The following ZDHHC21 variants were observed in gnomAD, a reference collection of about 807,000 sequenced individuals.
ZDHHC21 encodes palmitoyltransferase ZDHHC21.
A neutral mutation model predicts 34.6 loss-of-function variants in ZDHHC21; 15 were observed. That is an observed-to-expected ratio of 0.43 (90% CI 0.29 to 0.67). ZDHHC21 has a LOEUF of 0.67. Among genes scored for constraint, ZDHHC21 ranks in the 30% least tolerant of loss-of-function variants. The pLI is 0.14. For synonymous variants in ZDHHC21, 142 were observed against 101.8 expected, an observed-to-expected ratio of 1.40 and a Z score of -2.38; for missense variants, 344 against 327.7, an observed-to-expected ratio of 1.05 and a Z score of -0.38.
chr9:14,597,363 G>A, the ZDHHC21 span, among the ~76,000 whole-genome samples: 3 of 152,112 alleles, frequency 2.0e-5, no homozygotes, highest in Non-Finnish European at 2.9e-5. Flanking sequence ...CAGCACTCTA[G>A]CCCAAGCAGT....
At position 14,612,840 on chromosome 9, in the gene ZDHHC21, G is replaced by C. The variant is rs1431496328; in HGVS notation, c.*6126C>G. On this transcript the variant is annotated 3_prime_UTR_variant, in exon 10 of 10. Coordinates refer to ENST00000380916, the MANE Select transcript of ZDHHC21 (RefSeq NM_178566.6). ...AATATTATTCTTTAAAGCCACTAAA[G>C]ATTACACACACACACACACACACAC... 1 of 96,970 alleles carries C rather than the reference G, an allele frequency of 1.0e-5. No homozygotes were observed. Among genetic ancestry groups the C allele is most frequent in the East Asian group, 2.7e-4 (1 of 3,702 alleles). 6.0% of individuals were successfully genotyped at this position (96,970 alleles called of 1,614,324 possible).
chr9:14,655,714 A>AT (rs1218985986), intron 7 of ZDHHC21, among the ~76,000 whole-genome samples: 6 of 151,852 alleles, frequency 4.0e-5, no homozygotes, highest in Non-Finnish European at 7.4e-5. Flanking sequence ...GAAAATTGGA[A>AT]TTTTTTTTAA....
chr9:14,608,500 A>C (rs1373027168), downstream of ZDHHC21, among the ~76,000 whole-genome samples: 1 of 152,192 alleles, frequency 6.6e-6, no homozygotes, highest in African/African-American at 2.4e-5. Flanking sequence ...CTTTCTTAAA[A>C]AATGCAAAAC....
intron 7 of ZDHHC21, among the ~76,000 whole-genome samples, chr9:14,643,938 A>T (rs913672153): frequency 6.6e-6 from 1 of 152,220 alleles, no homozygotes. Flanking sequence ...AGGCCATGTC[A>T]TCCCATCTTA....
intron 5 of ZDHHC21, among the ~76,000 whole-genome samples, chr9:14,663,085 G>T (rs1203681429): frequency 6.6e-6 from 1 of 152,146 alleles, no homozygotes; most frequent in Non-Finnish European, 1.5e-5. Flanking sequence ...CACAAAGTTT[G>T]CATAAGAGAA....
At chr9:14,631,179 T>G (rs1827278696) in intron 8 of ZDHHC21, among the ~76,000 whole-genome samples, 1 of 152,244 alleles carries the variant, frequency 6.6e-6, no homozygotes, top group South Asian at 2.1e-4. Flanking sequence ...GTGGCCACCT[T>G]GATTAATCAT....
Position 14,647,568 on chromosome 9 carries a change from G to T in ZDHHC21, c.505-7556C>A, listed in dbSNP as rs572391985. ...GCTAACAAATTCTCAACCCCGACGGGAGCTCCAATTCCTTGGCCCAACCAC... is the reference window on the plus strand; with the variant it reads ...GCTAACAAATTCTCAACCCCGACGGTAGCTCCAATTCCTTGGCCCAACCAC... On this transcript the variant is annotated intron_variant, in intron 7 of 9. Coordinates refer to ENST00000380916, the MANE Select transcript of ZDHHC21 (RefSeq NM_178566.6). 3.9e-5 allele frequency among the ~76,000 whole-genome samples: 6 copies of T among 152,106 alleles called. No homozygotes were observed. In the South Asian group the frequency reaches 1.2e-3, roughly 32 times the overall value.
At chr9:14,682,234 A>G (rs1204640729) in intron 2 of ZDHHC21, among the ~76,000 whole-genome samples, 3 of 152,214 alleles carry the variant, frequency 2.0e-5, no homozygotes, top group Non-Finnish European at 4.4e-5. Context: ...CAATTAAAAG[A>G]CACAGACTGG....
At chr9:14,645,724 A>G (rs1357399616) in intron 7 of ZDHHC21, among the ~76,000 whole-genome samples, 1 of 152,146 alleles carries the variant, frequency 6.6e-6, no homozygotes, top group Non-Finnish European at 1.5e-5. Flanking sequence ...AACGCCCTAC[A>G]ATTACCAAGA....
At chr9:14,601,620 A>C in the ZDHHC21 span, among the ~76,000 whole-genome samples, 1 of 152,236 alleles carries the variant, frequency 6.6e-6, no homozygotes, top group Admixed American at 6.5e-5. Context: ...CAGAATTACC[A>C]TTTAACCCAG....
chr9:14,631,192 T>C (rs1374144188), intron 8 of ZDHHC21, among the ~76,000 whole-genome samples: 2 of 152,226 alleles, frequency 1.3e-5, no homozygotes, highest in East Asian at 3.8e-4. Context: ...TTAATCATCT[T>C]AGATCTTTTG....
chr9:14,629,669 T>A (rs1429824143), intron 8 of ZDHHC21, among the ~76,000 whole-genome samples: 1 of 152,192 alleles, frequency 6.6e-6, no homozygotes, highest in Non-Finnish European at 1.5e-5. Context: ...CAGGGAGATG[T>A]AATATTTTTG....
chr9:14,671,201 C>T (rs1835378199), intron 5 of ZDHHC21, among the ~76,000 whole-genome samples: 1 of 151,962 alleles, frequency 6.6e-6, no homozygotes, highest in South Asian at 2.1e-4. Flanking sequence ...TTTACTAATG[C>T]TGTGAATGCT....
intron 9 of ZDHHC21, among the ~76,000 whole-genome samples, chr9:14,619,303 C>A (rs111467933): frequency 6.6e-6 from 1 of 152,018 alleles, no homozygotes; most frequent in Non-Finnish European, 1.5e-5. Context: ...GTCAATCAAC[C>A]GAGCGCAACT....
At chr9:14,593,739 CA>C in the ZDHHC21 span, 1 of 152,704 alleles carries the variant, frequency 6.5e-6, no homozygotes, top group Admixed American at 6.5e-5. Flanking sequence ...TGGTCCAGCC[CA>C]ACCTCTGCCA....
chr9:14,692,819 G>A (rs1333533363), intron 1 of ZDHHC21, among the ~76,000 whole-genome samples: 1 of 143,234 alleles, frequency 7.0e-6, no homozygotes, highest in East Asian at 2.1e-4. Context: ...AGAAACCCGG[G>A]ATCCCAGTGC....
At chr9:14,688,644 C>G (rs1838712938) in intron 2 of ZDHHC21, among the ~76,000 whole-genome samples, 1 of 152,010 alleles carries the variant, frequency 6.6e-6, no homozygotes, top group Non-Finnish European at 1.5e-5. Context: ...GGTGGATCAC[C>G]TGAGGTCAGG....
chr9:14,592,715 T>G, the ZDHHC21 span, among the ~76,000 whole-genome samples: 1 of 152,158 alleles, frequency 6.6e-6, no homozygotes, highest in African/African-American at 2.4e-5. Flanking sequence ...TCAGAATACA[T>G]GTTCTTCTCA....
At chr9:14,591,507 G>A in the ZDHHC21 span, among the ~76,000 whole-genome samples, 3 of 152,178 alleles carry the variant, frequency 2.0e-5, no homozygotes, top group East Asian at 1.9e-4. Flanking sequence ...TTCTCCAGTC[G>A]CAGGTATTTT....
Sources: allele counts gnomAD v4.1 joint callset (sites outside exome capture counted in the v4.1 genomes callset), GRCh38; gene constraint gnomAD v4.1.1; transcripts MANE v1.5; gene names NCBI Gene and HGNC (gene_info 2026-07-23, HGNC 2026-07-21).